DPP10: variants seen among roughly 807,000 people sequenced by gnomAD.
DPP10 encodes the protein dipeptidyl peptidase like 10.
DPP10 carries 33 observed loss-of-function variants against 120.9 expected under a neutral mutation model. That is an observed-to-expected ratio of 0.27 (90% CI 0.21 to 0.37). The LOEUF (loss-of-function observed/expected upper bound fraction) is 0.37. DPP10 is among the 10% of genes least tolerant of loss of function. The pLI is 1.00. For missense variants in DPP10, 816 were observed against 942.8 expected, an observed-to-expected ratio of 0.87 and a Z score of 1.76; for synonymous variants, 337 against 326.1, an observed-to-expected ratio of 1.03 and a Z score of -0.36.
chr2:115,563,496 C>G (rs915196687), intron 5 of DPP10, among the ~76,000 whole-genome samples: 5 of 152,178 alleles, frequency 3.3e-5, no homozygotes, highest in Non-Finnish European at 7.3e-5. Flanking sequence ...TGATTCCCTA[C>G]AGCTGTGAAC....
chr2:115,445,582 C>G (rs1004857005), intron 3 of DPP10, among the ~76,000 whole-genome samples: 8 of 152,148 alleles, frequency 5.3e-5, no homozygotes, highest in Non-Finnish European at 1.2e-4. Flanking sequence ...AGTTTTGTCC[C>G]TGCCCTAGAG....
At chr2:115,427,148 G>A (rs2070553741) in intron 3 of DPP10, among the ~76,000 whole-genome samples, 1 of 152,078 alleles carries the variant, frequency 6.6e-6, no homozygotes, top group Non-Finnish European at 1.5e-5. Flanking sequence ...CAGGGCTTTG[G>A]GCAGCTCTGC....
chr2:114,707,048 G>A (rs1700727879), intron 1 of DPP10: 1 of 152,170 alleles, frequency 6.6e-6, no homozygotes, highest in Non-Finnish European at 1.5e-5. Flanking sequence ...GACTTTGGGA[G>A]GGGGATGCCA....
chr2:115,838,108 C>T (rs1689721929), intron 24 of DPP10, among the ~76,000 whole-genome samples: 1 of 151,992 alleles, frequency 6.6e-6, no homozygotes, highest in South Asian at 2.1e-4. Context: ...GACGGGTATC[C>T]AGGAACTCTG....
chr2:115,658,787 T>G (rs990485099), intron 5 of DPP10, among the ~76,000 whole-genome samples: 1 of 152,096 alleles, frequency 6.6e-6, no homozygotes, highest in African/African-American at 2.4e-5. Flanking sequence ...AACAATAAAA[T>G]CACTACTAAT....
rs10864933 is a variant in DPP10, at chr2:114,980,881, G to A, written c.61-328358G>A. Among the ~76,000 whole-genome samples, 27 of 151,394 alleles carry A rather than the reference G, an allele frequency of 1.8e-4. No individual in the cohort carries two copies. The East Asian group carries it at 3.5e-3, about 20-fold the overall frequency. ...TTTGTAATTTTTCGTTTAACTTAACGTCAATAACGTTTTATACTCCATAGT... is the reference window on the plus strand; with the variant it reads ...TTTGTAATTTTTCGTTTAACTTAACATCAATAACGTTTTATACTCCATAGT... On this transcript the variant is annotated intron_variant, in intron 1 of 25. Coordinates refer to ENST00000410059, the MANE Select transcript of DPP10 (RefSeq NM_020868.6).
At chr2:115,636,643 A>G (rs141261728) in intron 5 of DPP10, among the ~76,000 whole-genome samples, 22 of 152,206 alleles carry the variant, frequency 1.4e-4, no homozygotes, top group African/African-American at 5.3e-4. Flanking sequence ...AGTGAGAGAA[A>G]TGAAGTATAT....
At chr2:114,925,136 A>G (rs867833041) in intron 1 of DPP10, among the ~76,000 whole-genome samples, 1 of 147,068 alleles carries the variant, frequency 6.8e-6, no homozygotes, top group Non-Finnish European at 1.5e-5. Flanking sequence ...ACTTCAACCT[A>G]GGAGGCAGAG....
chr2:115,031,709 T>A (rs1182576894), intron 1 of DPP10, among the ~76,000 whole-genome samples: 5 of 152,182 alleles, frequency 3.3e-5, no homozygotes, highest in African/African-American at 7.2e-5. Context: ...AATTTTTTTT[T>A]AAAATAATGT....
chr2:114,898,362 G>T (rs191380722), intron 1 of DPP10, among the ~76,000 whole-genome samples: 1 of 152,024 alleles, frequency 6.6e-6, no homozygotes, highest in African/African-American at 2.4e-5. Flanking sequence ...GTGGGGGATG[G>T]GGGGAGGGAT....
chr2:115,349,377 C>T (rs546552677), intron 3 of DPP10, among the ~76,000 whole-genome samples: 1 of 151,978 alleles, frequency 6.6e-6, no homozygotes, highest in South Asian at 2.1e-4. Context: ...AGAGTGAGGA[C>T]ATTAGTGCCA....
chr2:115,428,193 G>C (rs1222138246), intron 3 of DPP10, among the ~76,000 whole-genome samples: 1 of 152,162 alleles, frequency 6.6e-6, no homozygotes, highest in Non-Finnish European at 1.5e-5. Context: ...CAGTCTTTAA[G>C]AAGTTCTAAA....
rs546662931 is a variant in DPP10, at chr2:115,156,014, A to C, written c.61-153225A>C. Among the ~76,000 whole-genome samples, 13 of 152,330 alleles carry C rather than the reference A, an allele frequency of 8.5e-5. No individual in the cohort carries two copies. The South Asian group carries it at 2.7e-3, about 32-fold the overall frequency. ...ATGCAGGATAGAAACTGAGTGACTT[A>C]AACATTTCCTTACTCTCCCAAAAAG... On this transcript the variant is annotated intron_variant, in intron 1 of 25. Transcript: ENST00000410059.
chr2:114,512,074 CAATGAAG>C (rs1354832705), intron 1 of DPP10, among the ~76,000 whole-genome samples: 1 of 152,106 alleles, frequency 6.6e-6, no homozygotes, highest in Non-Finnish European at 1.5e-5. Context: ...TTGAACATAG[CAATGAAG>C]AGTTATTTTT....
intron 1 of DPP10, among the ~76,000 whole-genome samples, chr2:115,085,350 C>A (rs921144884): frequency 8.6e-5 from 13 of 151,984 alleles, no homozygotes; most frequent in African/African-American, 3.1e-4. Flanking sequence ...GTACTCACAT[C>A]CATTCTAATT....
chr2:114,462,070 G>T (rs1158889879), intron 1 of DPP10: 1 of 985,176 alleles, frequency 1.0e-6, no homozygotes, highest in Non-Finnish European at 1.2e-6. Context: ...TCAAGAAAGG[G>T]CTTCACCAGG....
At chr2:115,220,220 T>C (rs2057065353) in intron 1 of DPP10, among the ~76,000 whole-genome samples, 1 of 152,196 alleles carries the variant, frequency 6.6e-6, no homozygotes, top group African/African-American at 2.4e-5. Context: ...CATTATTCTG[T>C]ATCACCTGCT....
At chr2:115,262,209 C>G (rs2059282599) in intron 1 of DPP10, among the ~76,000 whole-genome samples, 2 of 151,880 alleles carry the variant, frequency 1.3e-5, no homozygotes, top group Admixed American at 1.3e-4. Context: ...AACACAAAAT[C>G]CTGGACTTTT....
intron 1 of DPP10, among the ~76,000 whole-genome samples, chr2:115,010,887 G>A (rs948990524): frequency 6.6e-6 from 1 of 152,128 alleles, no homozygotes; most frequent in Non-Finnish European, 1.5e-5. Context: ...GATTGATGCA[G>A]AACAACTAAA....
Sources: allele counts gnomAD v4.1 joint callset (sites outside exome capture counted in the v4.1 genomes callset), GRCh38; gene constraint gnomAD v4.1.1; transcripts MANE v1.5; gene names NCBI Gene and HGNC (gene_info 2026-07-23, HGNC 2026-07-21).